CFAP96: variants seen among roughly 807,000 people sequenced by gnomAD.
CFAP96 encodes cilia and flagella associated protein 96, also known as cilia-and flagella-associated protein 96.
the CFAP96 span, chr4:185,425,757 C>A: frequency 6.6e-7 from 1 of 1,514,268 alleles, no homozygotes; most frequent in African/African-American, 1.4e-5. Flanking sequence ...CAGCTGCCAT[C>A]TTGGACCCCG....
chr4:185,409,291 TATC>T, the CFAP96 span, among the ~76,000 whole-genome samples: 5 of 152,226 alleles, frequency 3.3e-5, no homozygotes, highest in South Asian at 2.1e-4. Flanking sequence ...AAATTACTAA[TATC>T]ATATAAATTC....
At chr4:185,431,651 C>T in the CFAP96 span, among the ~76,000 whole-genome samples, 6 of 152,196 alleles carry the variant, frequency 3.9e-5, no homozygotes, top group Non-Finnish European at 5.9e-5. Flanking sequence ...ACATGACCTA[C>T]GCGCACACCC....
the CFAP96 span, among the ~76,000 whole-genome samples, chr4:185,434,145 G>T: frequency 6.6e-6 from 1 of 151,972 alleles, no homozygotes. Context: ...ACTTGAGCCG[G>T]GAGTTTGAGG....
At chr4:185,416,572 C>T in the CFAP96 span, among the ~76,000 whole-genome samples, 1 of 152,008 alleles carries the variant, frequency 6.6e-6, no homozygotes. Flanking sequence ...CTGGAGGTAT[C>T]AATGTGATTT....
At chr4:185,436,660 A>C in the CFAP96 span, among the ~76,000 whole-genome samples, 1 of 151,686 alleles carries the variant, frequency 6.6e-6, no homozygotes, top group African/African-American at 2.4e-5. Context: ...CAGTGAGCCA[A>C]GGTCGCGCCA....
At chr4:185,444,895 T>A in the CFAP96 span, 1 of 1,413,950 alleles carries the variant, frequency 7.1e-7, no homozygotes, top group South Asian at 1.3e-5. Flanking sequence ...ATGTATGAAC[T>A]TCTTCACAAG....
At chr4:185,418,047 A>AACACACACACACACACACACAC in the CFAP96 span, among the ~76,000 whole-genome samples, 5,549 of 142,914 alleles carry the variant, frequency 0.039, 112 homozygotes, top group Middle Eastern at 0.064. Flanking sequence ...TCCATCTCAA[A>AACACACACACACACACACACAC]ACACACACAC....
At chr4:185,433,505 T>C in the CFAP96 span, among the ~76,000 whole-genome samples, 1 of 151,550 alleles carries the variant, frequency 6.6e-6, no homozygotes, top group Non-Finnish European at 1.5e-5. Flanking sequence ...ATTTTGTGCT[T>C]ATTTACTGTG....
the CFAP96 span, chr4:185,436,229 A>T: frequency 1.3e-6 from 2 of 1,542,616 alleles, no homozygotes; most frequent in Non-Finnish European, 8.8e-7. Flanking sequence ...TTTGAAATTT[A>T]AAAAAATTAA....
chr4:185,440,159 G>A, the CFAP96 span, among the ~76,000 whole-genome samples: 2 of 151,876 alleles, frequency 1.3e-5, no homozygotes, highest in African/African-American at 4.8e-5. Flanking sequence ...ATTTACAGTT[G>A]AAGAAGATGT....
chr4:185,422,476 A>T, the CFAP96 span: 42 of 1,599,684 alleles, frequency 2.6e-5, no homozygotes, highest in Non-Finnish European at 3.4e-5. Context: ...AATTTTTCAG[A>T]AGACCTACCA....
the CFAP96 span, among the ~76,000 whole-genome samples, chr4:185,427,820 C>T: frequency 7.8e-5 from 11 of 141,844 alleles, no homozygotes; most frequent in South Asian, 2.4e-4. Context: ...GCGCGGTGGC[C>T]CACTCCTGTA....
chr4:185,445,970 T>TA, the CFAP96 span, among the ~76,000 whole-genome samples: 1 of 152,058 alleles, frequency 6.6e-6, no homozygotes, highest in African/African-American at 2.4e-5. Flanking sequence ...GCCTCCCGAG[T>TA]AGCTGGGATT....
At chr4:185,447,330 C>T in the CFAP96 span, among the ~76,000 whole-genome samples, 47 of 152,012 alleles carry the variant, frequency 3.1e-4, no homozygotes, top group African/African-American at 8.4e-4. Flanking sequence ...TACAGGCGCC[C>T]GCCACCACGC....
chr4:185,415,869 TATATAG>T, the CFAP96 span: 1 of 1,607,932 alleles, frequency 6.2e-7, no homozygotes, highest in Non-Finnish European at 8.5e-7. Context: ...TATTTGATGC[TATATAG>T]ATAAACAGTA....
chr4:185,441,237 T>G, the CFAP96 span, among the ~76,000 whole-genome samples: 1 of 152,202 alleles, frequency 6.6e-6, no homozygotes, highest in African/African-American at 2.4e-5. Context: ...ATCTTCCTAC[T>G]GCAGAAGTTA....
At chr4:185,434,780 C>A in the CFAP96 span, among the ~76,000 whole-genome samples, 1 of 151,718 alleles carries the variant, frequency 6.6e-6, no homozygotes, top group Non-Finnish European at 1.5e-5. Context: ...GCTCTGTCAT[C>A]CAAGCTGGAG....
At chr4:185,430,729 C>T in the CFAP96 span, among the ~76,000 whole-genome samples, 3 of 151,358 alleles carry the variant, frequency 2.0e-5, no homozygotes, top group African/African-American at 7.3e-5. Context: ...ATAGTGAGAC[C>T]CTGTCTCTAC....
chr4:185,429,218 G>A, the CFAP96 span: 10 of 448,268 alleles, frequency 2.2e-5, no homozygotes, highest in African/African-American at 2.1e-4. Context: ...TGGAGTATGA[G>A]GCTATTGTTT....
Sources: allele counts gnomAD v4.1 joint callset (sites outside exome capture counted in the v4.1 genomes callset), GRCh38; gene constraint gnomAD v4.1.1; transcripts MANE v1.5; gene names NCBI Gene and HGNC (gene_info 2026-07-23, HGNC 2026-07-21).